The following FNDC3B variants were observed in gnomAD, a reference collection of about 807,000 sequenced individuals.
FNDC3B encodes fibronectin type III domain-containing protein 3B.
In FNDC3B, 12 loss-of-function variants were observed where a neutral mutation model predicts 151.5. The observed-to-expected ratio is 0.08, with a 90% CI of 0.05 to 0.13. FNDC3B has a LOEUF of 0.13. FNDC3B is among the 10% of genes least tolerant of loss of function. FNDC3B has a pLI of 1.00. For missense variants in FNDC3B, 1,214 were observed against 1,505.3 expected (o/e 0.81, Z 3.20); for synonymous variants, 528 against 549.0 (o/e 0.96, Z 0.54).
intron 11 of FNDC3B, among the ~76,000 whole-genome samples, chr3:172,315,115 G>A (rs1464107313): frequency 3.9e-5 from 6 of 152,180 alleles, no homozygotes; most frequent in Admixed American, 2.0e-4. Context: ...GGTGGCTCAC[G>A]CCTGTAATCC....
intron 3 of FNDC3B, among the ~76,000 whole-genome samples, chr3:172,178,135 A>G (rs2108647496): frequency 6.6e-6 from 1 of 152,258 alleles, no homozygotes; most frequent in Admixed American, 6.5e-5. Context: ...CAGAAATTGA[A>G]CACTGGCCTG....
intron 2 of FNDC3B, 62 bp from the exon 3 acceptor site, chr3:172,133,409 T>C (rs917318184): frequency 7.8e-7 from 1 of 1,288,186 alleles, no homozygotes; most frequent in African/African-American, 1.5e-5. Context: ...ATTTAGGTAA[T>C]AACACTTAAC....
intron 1 of FNDC3B, among the ~76,000 whole-genome samples, chr3:172,069,897 A>T (rs138234081): frequency 1.4e-3 from 209 of 152,292 alleles, no homozygotes; most frequent in African/African-American, 4.8e-3. Context: ...TATATCGTTT[A>T]TTGTAGCATT....
Position 172,307,041 on chromosome 3 carries a change from G to A in FNDC3B, c.1062-322G>A, listed in dbSNP as rs28409420. 7.2e-3 allele frequency: 1,411 copies of A among 195,244 alleles called. 27 individuals are homozygous for A. Among genetic ancestry groups the A allele is most frequent in the African/African-American group, 0.031 (1,322 of 43,032 alleles). The allele number at this position is 195,244 out of a possible 1,614,324, so 12.1% of individuals were successfully genotyped here. A position where few individuals can be genotyped will look rare whatever the true frequency, so the allele number is the denominator to read the frequency against. ...AAGTCAACCAGAGAGTAGCTCATGG[G>A]GTTTTAGAACATATATTTGGAGATC... On this transcript the variant is annotated intron_variant, in intron 9 of 25. Coordinates refer to ENST00000415807, the MANE Select transcript of FNDC3B (RefSeq NM_022763.4).
chr3:172,278,753 C>G (rs56011183), intron 6 of FNDC3B, among the ~76,000 whole-genome samples: 1 of 151,984 alleles, frequency 6.6e-6, no homozygotes, highest in African/African-American at 2.4e-5. Flanking sequence ...ATGGTGAAAC[C>G]CCGTCTCTAC....
chr3:172,281,966 G>T (rs1729752182), intron 6 of FNDC3B, among the ~76,000 whole-genome samples: 2 of 150,150 alleles, frequency 1.3e-5, no homozygotes, highest in South Asian at 4.2e-4. Context: ...TCCAAACTCT[G>T]ACATACACTC....
chr3:172,191,973 GGTGGTACATGTAT>G (rs931259926), intron 3 of FNDC3B, among the ~76,000 whole-genome samples: 3 of 152,036 alleles, frequency 2.0e-5, no homozygotes, highest in Non-Finnish European at 4.4e-5. Flanking sequence ...GTGTGGTCGG[GGTGGTACATGTAT>G]GTGGTACATA....
chr3:172,253,700 G>A (rs757174209), intron 6 of FNDC3B, among the ~76,000 whole-genome samples: 21 of 152,110 alleles, frequency 1.4e-4, no homozygotes, highest in African/African-American at 4.8e-4. Flanking sequence ...CATGTGACTT[G>A]TGTGTGTTTT....
chr3:172,124,496 A>G (rs964325767), intron 2 of FNDC3B, among the ~76,000 whole-genome samples: 1 of 152,210 alleles, frequency 6.6e-6, no homozygotes, highest in Admixed American at 6.5e-5. Context: ...TTTTCTAACA[A>G]TTACTCTTAA....
chr3:172,049,884 T>C (rs536110303), intron 1 of FNDC3B, among the ~76,000 whole-genome samples: 88 of 152,356 alleles, frequency 5.8e-4, no homozygotes, highest in Non-Finnish European at 9.7e-4. Context: ...AAAACTTTGA[T>C]TTCTGTTTAA....
rs750241511 is a variant in FNDC3B at position 172,383,358 on chromosome 3, T to A, written c.3303+2265T>A. 7.4e-4 allele frequency among the ~76,000 whole-genome samples: 113 copies of A among 152,156 alleles called. 1 individual carries two copies. The highest frequency in any genetic ancestry group is 1.5e-3 in the Non-Finnish European group (99 of 67,980). ...TGAAGTTGCTTATCAACTTAAGGAGTTTTTGGACTGAGATGATGGGGTTTT... is the reference window on the plus strand; with the variant it reads ...TGAAGTTGCTTATCAACTTAAGGAGATTTTGGACTGAGATGATGGGGTTTT... On this transcript the variant is annotated intron_variant, in intron 25 of 25. Coordinates refer to ENST00000415807, the MANE Select transcript of FNDC3B (RefSeq NM_022763.4).
intron 11 of FNDC3B, among the ~76,000 whole-genome samples, chr3:172,317,582 T>C (rs1390376189): frequency 6.6e-6 from 1 of 152,200 alleles, no homozygotes; most frequent in African/African-American, 2.4e-5. Context: ...TTTAACGCCT[T>C]AGCCTCGGCC....
chr3:172,193,053 C>G (rs1234788672), intron 3 of FNDC3B, among the ~76,000 whole-genome samples: 1 of 151,712 alleles, frequency 6.6e-6, no homozygotes. Context: ...TCCTTTTGTC[C>G]TATCTCTCCA....
At chr3:172,229,127 AC>A (rs779820543) in intron 4 of FNDC3B, among the ~76,000 whole-genome samples, 21,877 of 148,920 alleles carry the variant, frequency 0.15, 1,895 homozygotes, top group East Asian at 0.29. Flanking sequence ...ACACACACAC[AC>A]ACACACACAA....
intron 4 of FNDC3B, 190 bp downstream of exon 4, chr3:172,227,137 A>G: frequency 1.9e-6 from 1 of 525,080 alleles, no homozygotes; most frequent in Non-Finnish European, 3.5e-6. Flanking sequence ...AACCAGAGAA[A>G]AGGAGACACA....
At chr3:172,291,648 T>C (rs1172124598) in intron 7 of FNDC3B, among the ~76,000 whole-genome samples, 1 of 152,254 alleles carries the variant, frequency 6.6e-6, no homozygotes, top group East Asian at 1.9e-4. Flanking sequence ...CCAATAATTT[T>C]ATAACTACAA....
At chr3:172,357,810 C>T (rs192407040) in intron 22 of FNDC3B, among the ~76,000 whole-genome samples, 10 of 152,110 alleles carry the variant, frequency 6.6e-5, no homozygotes, top group Admixed American at 5.9e-4. Context: ...CAGCTGTACA[C>T]GTAAATGTTC....
At chr3:172,377,213 A>T (rs756419799) in intron 23 of FNDC3B, among the ~76,000 whole-genome samples, 1 of 152,230 alleles carries the variant, frequency 6.6e-6, no homozygotes, top group Non-Finnish European at 1.5e-5. Flanking sequence ...GATTGTCCTC[A>T]GATGCTGTGA....
intron 3 of FNDC3B, among the ~76,000 whole-genome samples, chr3:172,206,968 T>G (rs975030328): frequency 1.3e-5 from 2 of 152,200 alleles, no homozygotes; most frequent in African/African-American, 4.8e-5. Context: ...CTTTTTTGCC[T>G]TTGTTTTGCT....
Sources: gnomAD v4.1 joint callset for allele counts (sites outside exome capture counted in the v4.1 genomes callset) on GRCh38, gnomAD v4.1.1 for gene constraint, MANE v1.5 for transcripts, NCBI Gene and HGNC (gene_info 2026-07-23, HGNC 2026-07-21) for gene names.